Variants in OTUD4 observed in about 807,000 individuals in gnomAD.
OTUD4 encodes OTU domain-containing protein 4.
In OTUD4, 24 loss-of-function variants were observed where a neutral mutation model predicts 130.4. The ratio of observed to expected loss-of-function variants is 0.18; its 90% CI spans 0.13 to 0.26. OTUD4 has a LOEUF of 0.26. OTUD4 is among the 10% of genes least tolerant of loss of function. OTUD4 has a pLI of 1.00. For missense variants in OTUD4, 1,031 were observed against 1,329.4 expected, an observed-to-expected ratio of 0.78 and a Z score of 3.49; for synonymous variants, 420 against 472.5, an observed-to-expected ratio of 0.89 and a Z score of 1.44.
chr4:145,171,724 C>T lies in OTUD4; in HGVS notation c.244-4G>A, dbSNP rs369915768. 1.6e-6 allele frequency: 2 copies of T among 1,275,088 alleles called. No homozygotes were observed. The highest frequency in any genetic ancestry group is 1.5e-5 in the African/African-American group (1 of 68,200). The allele number at this position is 1,275,088 out of a possible 1,614,324, so 79.0% of individuals were successfully genotyped here. A position where few individuals can be genotyped will look rare whatever the true frequency, so the allele number is the denominator to read the frequency against. ...CTTCAAATGATCCTTCTATAAACTGCAAAAAATAAATCTATTAGAAATGTC... is the reference window on the plus strand; with the variant it reads ...CTTCAAATGATCCTTCTATAAACTGTAAAAAATAAATCTATTAGAAATGTC... On this transcript the variant is annotated splice_region_variant and splice_polypyrimidine_tract_variant and intron_variant, in intron 2 of 20. Transcript: ENST00000447906.
intron 13 of OTUD4, 142 bp downstream of exon 13, chr4:145,150,371 T>A: frequency 1.9e-6 from 1 of 537,420 alleles, no homozygotes; most frequent in South Asian, 3.3e-5. Flanking sequence ...CACATGAAGT[T>A]TTATACAAAA....
At chr4:145,167,729 G>A (rs1751946884) in intron 3 of OTUD4, among the ~76,000 whole-genome samples, 1 of 151,984 alleles carries the variant, frequency 6.6e-6, no homozygotes, top group South Asian at 2.1e-4. Context: ...GTGGTGGTGG[G>A]TGCCTGTAAT....
At chr4:145,179,771 GTCCCC>G in intron 1 of OTUD4, 39 bp downstream of exon 1, 7 of 1,020,944 alleles carry the variant, frequency 6.9e-6, no homozygotes, top group Non-Finnish European at 9.2e-6. Flanking sequence ...CCGCCGGGCC[GTCCCC>G]GCCTCCCCTC....
intron 15 of OTUD4, 151 bp downstream of exon 15, chr4:145,144,160 T>A: frequency 9.8e-7 from 1 of 1,020,718 alleles, no homozygotes; most frequent in Non-Finnish European, 1.5e-6. Context: ...ATCCTTTAGC[T>A]TGAGTCAATA....
intron 16 of OTUD4, 111 bp downstream of exon 16, chr4:145,143,835 A>G (rs1182891391): frequency 3.3e-5 from 25 of 754,068 alleles, no homozygotes; most frequent in Non-Finnish European, 5.6e-5. Flanking sequence ...TACTTTCCTA[A>G]TACACAGCTA....
At chr4:145,175,900 T>A (rs960306529) in intron 1 of OTUD4, among the ~76,000 whole-genome samples, 1 of 151,722 alleles carries the variant, frequency 6.6e-6, no homozygotes. Context: ...CAATTCTTTT[T>A]TCCCCCACCA....
rs1182196788 is a variant in OTUD4, at chr4:145,180,342, T to G, written c.-369A>C. Among the ~76,000 whole-genome samples the G allele has an allele frequency of 6.6e-6, 1 of 151,760 alleles. No homozygotes were observed. The highest frequency in any genetic ancestry group is 2.4e-5 in the African/African-American group (1 of 41,288). On this transcript the variant is annotated 5_prime_UTR_variant, in exon 1 of 21. Transcript: ENST00000447906. ...CCACAAGTTTCCTCCTCCGTACCGGTGTGAAGCGAGAAAACCCCCGCCCCT... is the reference window on the plus strand; with the variant it reads ...CCACAAGTTTCCTCCTCCGTACCGGGGTGAAGCGAGAAAACCCCCGCCCCT...
At chr4:145,161,806 CA>C (rs1751584337) in intron 6 of OTUD4, among the ~76,000 whole-genome samples, 2 of 152,136 alleles carry the variant, frequency 1.3e-5, no homozygotes, top group Non-Finnish European at 2.9e-5. Context: ...CAAATACAAT[CA>C]AATGTTTGAT....
At position 145,137,607 on chromosome 4, in the gene OTUD4, C is replaced by G. The variant is rs752089885; in HGVS notation, c.3168G>C (p.Trp1056Cys). Residue 1056 changes from tryptophan to cysteine, a missense_variant, in exon 21 of 21, where the codon TGG becomes TGC. Coordinates refer to ENST00000447906, the MANE Select transcript of OTUD4 (RefSeq NM_001366057.1). ...GATATCCACCCCTACCAGAATAGCC[C>G]CAATCACTTTTGTACTTCCTGCTTC... ...TYGSRKYKSD[W>C]GYSGRGGYQH... 10 of 1,613,552 alleles carry G rather than the reference C, an allele frequency of 6.2e-6. No homozygotes were observed. The highest frequency in any genetic ancestry group is 8.5e-6 in the Non-Finnish European group (10 of 1,179,914).
At chr4:145,139,723 A>G (rs1448417441) in intron 20 of OTUD4, among the ~76,000 whole-genome samples, 6 of 152,188 alleles carry the variant, frequency 3.9e-5, no homozygotes, top group Non-Finnish European at 8.8e-5. Context: ...TATGTCTTAA[A>G]TATACTCACA....
chr4:145,146,501 CAA>C (rs369472707), intron 13 of OTUD4, 72 bp from the exon 14 acceptor site: 203 of 593,060 alleles, frequency 3.4e-4, no homozygotes, highest in South Asian at 1.1e-3. Flanking sequence ...ACATTCTTGT[CAA>C]AAAAAAAAAA....
intron 2 of OTUD4, among the ~76,000 whole-genome samples, chr4:145,173,617 G>T (rs1752284207): frequency 6.6e-6 from 1 of 151,870 alleles, no homozygotes. Context: ...GCGTTACCAG[G>T]TTTTTTTAAT....
Position 145,144,452 on chromosome 4 carries a change from C to T in OTUD4, c.1423-18G>A. ...GATGAGCTCTTTAAAATGAACAAAA[C>T]CCAACATTTTGTGTTAAAGATTTAC... On this transcript the variant is annotated intron_variant, in intron 14 of 20. Coordinates refer to ENST00000447906, the MANE Select transcript of OTUD4 (RefSeq NM_001366057.1). 1.2e-6 allele frequency: 2 copies of T among 1,603,352 alleles called. No individual in the cohort carries two copies. The highest frequency in any genetic ancestry group is 1.7e-6 in the Non-Finnish European group (2 of 1,175,786).
Position 145,174,163 on chromosome 4 carries a change from G to A in OTUD4, c.243+498C>T, listed in dbSNP as rs1294059851. Among the ~76,000 whole-genome samples, 10 of 152,208 alleles carry A rather than the reference G, an allele frequency of 6.6e-5. No homozygotes were observed. In the East Asian group the frequency reaches 9.7e-4, roughly 15 times the overall value. On this transcript the variant is annotated intron_variant, in intron 2 of 20. Transcript: ENST00000447906. ...CTGGGACTCAGGCATGTGCCACCAT[G>A]CCACTACTTTTAGTAGACACAGAGT...
intron 20 of OTUD4, among the ~76,000 whole-genome samples, chr4:145,139,284 C>A (rs1474045088): frequency 6.6e-6 from 1 of 152,124 alleles, no homozygotes; most frequent in African/African-American, 2.4e-5. Flanking sequence ...AATCAAGTTT[C>A]TTTTTATGAA....
chr4:145,142,397 T>G, intron 17 of OTUD4, 63 bp from the exon 18 acceptor site: 1 of 1,451,664 alleles, frequency 6.9e-7, no homozygotes, highest in Non-Finnish European at 9.6e-7. Flanking sequence ...GCTTTAACAC[T>G]ATTTCTAACC....
intron 19 of OTUD4, among the ~76,000 whole-genome samples, chr4:145,140,522 C>G (rs1750508264): frequency 6.6e-6 from 1 of 152,016 alleles, no homozygotes; most frequent in South Asian, 2.1e-4. Context: ...CAGTGCATTA[C>G]TCAAATTTAC....
In OTUD4 at chr4:145,150,807, T is replaced by C. The variant is rs200397825; in HGVS notation, c.1067A>G (p.His356Arg). 2 of 1,613,196 alleles carry C rather than the reference T, an allele frequency of 1.2e-6. No homozygotes were observed. Among genetic ancestry groups the C allele is most frequent in the Non-Finnish European group, 1.7e-6 (2 of 1,179,388 alleles). Reference sequence around the variant, plus strand: ...ATAGCTTGATGTGCTCCTACCAGAATGGAAATTTTGTCCAGAAGTGGAAGG... The same window carrying C: ...ATAGCTTGATGTGCTCCTACCAGAACGGAAATTTTGTCCAGAAGTGGAAGG... ...KKPSTSGQNF[H>R]SDVDYRGPKN... The change falls in exon 12 of 21, where the codon CAT becomes CGT. Residue 356 changes from histidine (H) to arginine (R), a missense_variant. By Grantham distance (29) the His-to-Arg change is conservative. This residue lies in a region of OTUD4 where 900 missense variants were observed against 1,095.9 expected (regional missense o/e 0.82). Coordinates refer to ENST00000447906, the MANE Select transcript of OTUD4 (RefSeq NM_001366057.1).
At position 145,162,325 on chromosome 4, in the gene OTUD4, G is replaced by A. The variant is rs552359679; in HGVS notation, c.496+315C>T. 2.2e-4 allele frequency among the ~76,000 whole-genome samples: 33 copies of A among 152,112 alleles called. No individual in the cohort carries two copies. The South Asian group carries it at 6.2e-3, about 29-fold the overall frequency. Reference sequence around the variant, plus strand: ...TCCCAGCACTTTGGGAGGTCGAGGCGGGCGGATCACGAGGTCAGGAGATCG... The same window carrying A: ...TCCCAGCACTTTGGGAGGTCGAGGCAGGCGGATCACGAGGTCAGGAGATCG... On this transcript the variant is annotated intron_variant, in intron 6 of 20. Coordinates refer to ENST00000447906, the MANE Select transcript of OTUD4 (RefSeq NM_001366057.1).
Sources: allele counts gnomAD v4.1 joint callset (sites outside exome capture counted in the v4.1 genomes callset), GRCh38; gene constraint gnomAD v4.1.1; regional missense constraint gnomAD v4.1.1; transcripts MANE v1.5; gene names NCBI Gene and HGNC (gene_info 2026-07-23, HGNC 2026-07-21).